DGCR2: variants seen among roughly 807,000 people sequenced by gnomAD.
The protein encoded by DGCR2 is integral membrane protein DGCR2/IDD.
Under a neutral mutation model 51.6 loss-of-function variants are expected in DGCR2, and 24 were observed. The observed-to-expected ratio is 0.47, with a 90% confidence interval of 0.34 to 0.65. The LOEUF (loss-of-function observed/expected upper bound fraction) is 0.65, where lower values mean the gene tolerates loss of function less well. Among genes scored for constraint, DGCR2 ranks in the 30% least tolerant of loss-of-function variants. The pLI is 0.01. For missense variants in DGCR2, 765 were observed against 772.1 expected (o/e 0.99, Z 0.11); for synonymous variants, 340 against 315.4 (o/e 1.08, Z -0.82).
At chr22:19,075,461 A>G (rs1447715561) in intron 2 of DGCR2, among the ~76,000 whole-genome samples, 1 of 149,854 alleles carries the variant, frequency 6.7e-6, no homozygotes, top group South Asian at 2.1e-4. Flanking sequence ...AAAAAAAAAG[A>G]GTGTACAGTT....
intron 2 of DGCR2, among the ~76,000 whole-genome samples, chr22:19,069,272 T>G (rs1472111492): frequency 2.0e-5 from 3 of 152,198 alleles, no homozygotes; most frequent in African/African-American, 7.2e-5. Context: ...CAAAGCCTCC[T>G]TCCCTGAACC....
At chr22:19,118,539 G>A (rs938349272) in intron 1 of DGCR2, among the ~76,000 whole-genome samples, 1 of 152,048 alleles carries the variant, frequency 6.6e-6, no homozygotes, top group African/African-American at 2.4e-5. Flanking sequence ...CTGAACCCAC[G>A]CTCTGCTGCT....
intron 9 of DGCR2, among the ~76,000 whole-genome samples, chr22:19,039,933 G>A (rs796630662): frequency 6.6e-6 from 1 of 152,196 alleles, no homozygotes; most frequent in African/African-American, 2.4e-5. Context: ...GAACCAACCT[G>A]GGCAACATAG....
intron 5 of DGCR2, among the ~76,000 whole-genome samples, chr22:19,062,737 G>A (rs1386470055): frequency 1.4e-5 from 2 of 147,798 alleles, no homozygotes; most frequent in Non-Finnish European, 3.0e-5. Flanking sequence ...TTTCCAAGCA[G>A]CTCCGCATAA....
rs1006872537 is a variant in DGCR2, at chr22:19,090,489, G to A, written c.80-999C>T. On this transcript the variant is annotated intron_variant, in intron 1 of 9. Transcript: ENST00000263196. ...TGACAGCAGATTTCTCATTAGAAAC[G>A]ATACAGCCTAGAAGACAGTGATGTG... 2.6e-5 allele frequency among the ~76,000 whole-genome samples: 4 copies of A among 152,170 alleles called. No individual in the cohort carries two copies. The South Asian group carries it at 6.2e-4, about 24-fold the overall frequency.
chr22:19,098,734 C>T (rs2083169119), intron 1 of DGCR2, among the ~76,000 whole-genome samples: 1 of 152,154 alleles, frequency 6.6e-6, no homozygotes, highest in Admixed American at 6.5e-5. Flanking sequence ...ACTACAGGCA[C>T]ATACCACCAT....
At chr22:19,050,059 T>C (rs149879253) in intron 6 of DGCR2, among the ~76,000 whole-genome samples, 1 of 151,930 alleles carries the variant, frequency 6.6e-6, no homozygotes, top group African/African-American at 2.4e-5. Context: ...AAAAAATTAG[T>C]CGAAGAACTA....
At chr22:19,114,525 T>C (rs1402991338) in intron 1 of DGCR2, among the ~76,000 whole-genome samples, 3 of 152,200 alleles carry the variant, frequency 2.0e-5, no homozygotes, top group Non-Finnish European at 4.4e-5. Context: ...GTCCTCTTAT[T>C]CTAAGACCAT....
intron 1 of DGCR2, among the ~76,000 whole-genome samples, chr22:19,096,047 G>C (rs2083136457): frequency 6.6e-6 from 1 of 152,150 alleles, no homozygotes; most frequent in African/African-American, 2.4e-5. Flanking sequence ...TCAGCAATTG[G>C]GACATGCTCT....
chr22:19,048,501 C>G lies in DGCR2; in HGVS notation c.945G>C (p.Gln315His). The G allele has an allele frequency of 1.2e-6, 2 of 1,614,186 alleles. No homozygotes were observed. The highest frequency in any genetic ancestry group is 1.7e-6 in the Non-Finnish European group (2 of 1,180,038). ...GGTCCTTGCGGTACTGTTGGCAGCC[C>G]TGGGGCCTCTCACAGAGAGCAGCCA... The part of the protein sequence containing the change: ...MCVAALCERP[Q>H]GCQQYRKDPK... The change falls in exon 7 of 10, where the codon CAG (glutamine) becomes CAC (histidine). Residue 315 changes from glutamine to histidine, a missense_variant. Gln to His is a conservative substitution (Grantham distance 24). Around this residue, in one of 3 missense-constraint regions of DGCR2, gnomAD observed 190 missense variants for 265.2 expected, o/e 0.72. Transcript: ENST00000263196.
At chr22:19,112,830 C>T (rs776763601) in intron 1 of DGCR2, among the ~76,000 whole-genome samples, 2 of 144,038 alleles carry the variant, frequency 1.4e-5, no homozygotes, top group African/African-American at 2.5e-5. Flanking sequence ...CTTGAGTATA[C>T]ACCATCAATC....
At chr22:19,059,753 A>C (rs2082640696) in intron 5 of DGCR2, among the ~76,000 whole-genome samples, 1 of 151,928 alleles carries the variant, frequency 6.6e-6, no homozygotes, top group African/African-American at 2.4e-5. Context: ...CCACCGGAGG[A>C]CACCCTGCTC....
chr22:19,063,108 GC>G, intron 5 of DGCR2, 93 bp downstream of exon 5: 1 of 1,231,574 alleles, frequency 8.1e-7, no homozygotes, highest in Non-Finnish European at 1.2e-6. Context: ...ACCCCTACGG[GC>G]CAGGCAGCAC....
intron 2 of DGCR2, among the ~76,000 whole-genome samples, chr22:19,087,147 A>G (rs879553618): frequency 5.3e-5 from 8 of 152,084 alleles, no homozygotes; most frequent in Non-Finnish European, 1.0e-4. Context: ...CCCCAGGCTG[A>G]CCAACCAGGG....
chr22:19,122,006 C>A, intron 1 of DGCR2, 122 bp downstream of exon 1: 1 of 587,432 alleles, frequency 1.7e-6, no homozygotes, highest in Non-Finnish European at 2.4e-6. Context: ...GAGCCAGGCC[C>A]CGCCCGCCCC....
chr22:19,101,031 C>T (rs908094920), intron 1 of DGCR2, among the ~76,000 whole-genome samples: 2 of 151,844 alleles, frequency 1.3e-5, no homozygotes, highest in East Asian at 1.9e-4. Context: ...ACTTGAACCT[C>T]GGAGGTGGAT....
chr22:19,068,039 G>C, intron 3 of DGCR2, 61 bp downstream of exon 3: 1 of 1,485,220 alleles, frequency 6.7e-7, no homozygotes, highest in Non-Finnish European at 8.9e-7. Context: ...TGCTGGAAAG[G>C]CAGGGGTCAT....
intron 4 of DGCR2, 35 bp from the exon 5 acceptor site, chr22:19,063,313 C>A: frequency 6.3e-7 from 1 of 1,591,318 alleles, no homozygotes; most frequent in Non-Finnish European, 8.6e-7. Context: ...GAGATCTCAG[C>A]GGCAGGAGGG....
At chr22:19,062,779 A>ATTCTCATTCTCTCTCTCTCT in intron 5 of DGCR2, among the ~76,000 whole-genome samples, 1 of 127,354 alleles carries the variant, frequency 7.9e-6, no homozygotes, top group Non-Finnish European at 1.8e-5. Context: ...ATGCATGCTC[A>ATTCTCATTCTCTCTCTCTCT]CTCTCTCTCT....
Sources: gnomAD v4.1 joint callset for allele counts (sites outside exome capture counted in the v4.1 genomes callset) on GRCh38, gnomAD v4.1.1 for gene constraint, gnomAD v4.1.1 regional missense constraint, MANE v1.5 for transcripts, NCBI Gene and HGNC (gene_info 2026-07-23, HGNC 2026-07-21) for gene names.